EMC3: variants seen among roughly 807,000 people sequenced by gnomAD.
EMC3 encodes the protein 30 kDa protein.
A neutral mutation model predicts 36.6 loss-of-function variants in EMC3; 13 were observed. That is an observed-to-expected ratio of 0.35 (90% confidence interval 0.23 to 0.56). EMC3 has a LOEUF of 0.56. EMC3 is among the 20% of genes least tolerant of loss of function. The pLI is 0.84. For missense variants in EMC3, 220 were observed against 324.5 expected, an observed-to-expected ratio of 0.68 and a Z score of 2.47; for synonymous variants, 120 against 111.9, an observed-to-expected ratio of 1.07 and a Z score of -0.46.
chr3:9,992,668 T>C (rs998832036), intron 1 of EMC3, among the ~76,000 whole-genome samples: 6 of 152,348 alleles, frequency 3.9e-5, no homozygotes, highest in Non-Finnish European at 7.4e-5. Context: ...AATGTATTCC[T>C]AAGAGATACC....
At chr3:9,977,931 A>G (rs1177067209) in intron 1 of EMC3, among the ~76,000 whole-genome samples, 2 of 152,064 alleles carry the variant, frequency 1.3e-5, no homozygotes, top group Admixed American at 1.3e-4. Context: ...AGACTGTTAG[A>G]AAGCTCTCAG....
intron 1 of EMC3, among the ~76,000 whole-genome samples, chr3:9,999,282 A>G (rs989099069): frequency 2.7e-5 from 4 of 149,364 alleles, no homozygotes; most frequent in African/African-American, 9.9e-5. Context: ...TAGCTCTGTC[A>G]CCAGGCTGGA....
chr3:10,011,015 A>G (rs941863400), intron 1 of EMC3: 1 of 152,326 alleles, frequency 6.6e-6, no homozygotes, highest in Non-Finnish European at 1.5e-5. Flanking sequence ...GCGGGGGGTG[A>G]CCCTCACCTG....
chr3:9,986,869 G>A (rs1449236122), upstream of EMC3: 17 of 1,372,644 alleles, frequency 1.2e-5, no homozygotes, highest in East Asian at 4.1e-4. Flanking sequence ...GTCACGTCGT[G>A]GCGCACCTCA....
chr3:9,980,230 T>G lies in EMC3; in HGVS notation c.156-2784A>C, dbSNP rs550228552. Among the ~76,000 whole-genome samples, 197 of 152,054 alleles carry G rather than the reference T, an allele frequency of 1.3e-3. 3 individuals are homozygous for G. The highest frequency in any genetic ancestry group is 4.5e-3 in the African/African-American group (187 of 41,438). Reference sequence around the variant, plus strand: ...GGTTTCACCATGTTGGCCAGGCTGGTCTCGAATTCCTGACATCAGATGATC... The same window carrying G: ...GGTTTCACCATGTTGGCCAGGCTGGGCTCGAATTCCTGACATCAGATGATC... On this transcript the variant is annotated intron_variant, in intron 1 of 7. Coordinates refer to ENST00000245046, the MANE Select transcript of EMC3 (RefSeq NM_001394674.1).
intron 1 of EMC3, chr3:10,007,298 T>C: frequency 1.6e-6 from 2 of 1,278,312 alleles, no homozygotes; most frequent in Non-Finnish European, 2.0e-6. Context: ...GGTGAACATT[T>C]TCAGAAGGAC....
At chr3:9,978,413 T>A (rs1217633322) in intron 1 of EMC3, 1 of 151,972 alleles carries the variant, frequency 6.6e-6, no homozygotes, top group Admixed American at 6.6e-5. Flanking sequence ...GATCAAAATA[T>A]TAATTTTTTT....
At chr3:9,986,321 T>C (rs1246310911) in intron 1 of EMC3, among the ~76,000 whole-genome samples, 186 bp downstream of exon 1, 1 of 152,164 alleles carries the variant, frequency 6.6e-6, no homozygotes, top group East Asian at 1.9e-4. Context: ...TTCCTACCTG[T>C]CTATGAAGCA....
chr3:10,003,121 G>T (rs1376303843), intron 1 of EMC3: 1 of 456,414 alleles, frequency 2.2e-6, no homozygotes, highest in Non-Finnish European at 4.4e-6. Context: ...AGAAACCTCT[G>T]GCTCACCACC....
At chr3:10,002,277 T>TTTTATTTTATTTTA (rs371226387) in intron 1 of EMC3, among the ~76,000 whole-genome samples, 2,378 of 148,070 alleles carry the variant, frequency 0.016, 119 homozygotes, top group African/African-American at 0.054. Context: ...GCAGTTTCTT[T>TTTTATTTTATTTTA]TTTTATTTTA....
chr3:9,981,134 C>A (rs530043627), intron 1 of EMC3, among the ~76,000 whole-genome samples: 3 of 152,154 alleles, frequency 2.0e-5, no homozygotes, highest in Admixed American at 6.5e-5. Context: ...CCCGGGAGAT[C>A]GAGGCTGAAG....
intron 1 of EMC3, among the ~76,000 whole-genome samples, chr3:9,994,871 C>T (rs1313692114): frequency 2.6e-5 from 4 of 151,948 alleles, no homozygotes; most frequent in Admixed American, 6.6e-5. Context: ...CGTGCCTGGC[C>T]GAGACACATT....
At chr3:9,994,301 T>A in intron 1 of EMC3, 1 of 1,014,864 alleles carries the variant, frequency 9.9e-7, no homozygotes, top group Non-Finnish European at 1.5e-6. Flanking sequence ...GTGTTTATGT[T>A]TTTTGACACA....
chr3:9,978,778 C>A (rs549863241), intron 1 of EMC3, among the ~76,000 whole-genome samples: 1 of 152,182 alleles, frequency 6.6e-6, no homozygotes, highest in African/African-American at 2.4e-5. Flanking sequence ...TTGCAGTGAG[C>A]CGAGACGACG....
intron 3 of EMC3, among the ~76,000 whole-genome samples, chr3:9,975,140 C>G (rs2085832921): frequency 6.6e-6 from 1 of 152,152 alleles, no homozygotes; most frequent in African/African-American, 2.4e-5. Context: ...GCTGGGATTA[C>G]AGGCGTCAGC....
At position 9,977,027 on chromosome 3, in the gene EMC3, A is replaced by G; in HGVS notation, c.237T>C (p.Tyr79=). The G allele has an allele frequency of 6.2e-7, 1 of 1,608,446 alleles. No homozygotes were observed. The highest frequency in any genetic ancestry group is 1.1e-5 in the South Asian group (1 of 89,464). Reference sequence around the variant, plus strand: ...AAAATCCATCCTCTGGGTTGTTGAAATAATATTTTCGTGTCAAGAAAGACT... The same window carrying G: ...AAAATCCATCCTCTGGGTTGTTGAAGTAATATTTTCGTGTCAAGAAAGACT... ...PKQSFLTRKY[Y]FNNPEDGFFK... Residue 79 remains tyrosine, a synonymous_variant, in exon 3 of 8, where the codon TAT becomes TAC. Transcript: ENST00000245046.
chr3:9,988,291 G>T, upstream of EMC3: 1 of 695,814 alleles, frequency 1.4e-6, no homozygotes, highest in Non-Finnish European at 2.7e-6. Flanking sequence ...AGGGTACATG[G>T]CTACTAAGCA....
chr3:9,999,398 C>T (rs1248551150), intron 1 of EMC3, among the ~76,000 whole-genome samples: 2 of 152,032 alleles, frequency 1.3e-5, no homozygotes, highest in Admixed American at 1.3e-4. Flanking sequence ...TGTGCCACAA[C>T]GCCCAACTAA....
At chr3:10,006,094 A>G (rs117827314) in intron 1 of EMC3, among the ~76,000 whole-genome samples, 1 of 152,324 alleles carries the variant, frequency 6.6e-6, no homozygotes, top group East Asian at 1.9e-4. Context: ...AGCCCCCAGC[A>G]TGACCCTATT....
Sources: allele counts gnomAD v4.1 joint callset (sites outside exome capture counted in the v4.1 genomes callset), GRCh38; gene constraint gnomAD v4.1.1; transcripts MANE v1.5; gene names NCBI Gene and HGNC (gene_info 2026-07-23, HGNC 2026-07-21).